The following SGCZ variants were observed in gnomAD, a reference collection of about 807,000 sequenced individuals.
SGCZ encodes the protein sarcoglycan zeta.
SGCZ carries 40 observed loss-of-function variants against 41.3 expected under a neutral mutation model. The observed-to-expected ratio is 0.97, with a 90% CI of 0.75 to 1.26. The LOEUF is 1.26. SGCZ is among the 50% of genes most tolerant of loss of function. The probability of loss-of-function intolerance (pLI) is 0.00; values close to 1 mark genes in which losing one functional copy is unlikely to be tolerated. For synonymous variants in SGCZ, 206 were observed against 137.5 expected (o/e 1.50, Z -3.49); for missense variants, 552 against 369.8 (o/e 1.49, Z -4.04).
At chr8:14,328,550 T>A (rs1802202415) in intron 2 of SGCZ, among the ~76,000 whole-genome samples, 1 of 152,222 alleles carries the variant, frequency 6.6e-6, no homozygotes. Context: ...CTAATTTATG[T>A]CAAACTACTC....
rs556582967 is a variant in SGCZ, at chr8:14,162,369, G to A, written c.547+2211C>T. ...TCAGGATTATGTTGGTCTCAAGAGT[G>A]ATGACCAGTAAGCATTACCAGGGTT... On this transcript the variant is annotated intron_variant, in intron 5 of 7. Coordinates refer to ENST00000382080, the MANE Select transcript of SGCZ (RefSeq NM_139167.4). Among the ~76,000 whole-genome samples, 4 of 152,238 alleles carry A rather than the reference G, an allele frequency of 2.6e-5. No homozygotes were observed. In the South Asian group the frequency reaches 8.3e-4, roughly 32 times the overall value.
intron 2 of SGCZ, among the ~76,000 whole-genome samples, chr8:14,383,729 C>T (rs993876682): frequency 1.4e-4 from 21 of 151,790 alleles, no homozygotes; most frequent in Non-Finnish European, 2.2e-4. Context: ...ACATATTCAG[C>T]GGAAAATGGT....
intron 5 of SGCZ, among the ~76,000 whole-genome samples, chr8:14,160,853 T>G (rs1236470299): frequency 1.3e-5 from 2 of 152,196 alleles, no homozygotes; most frequent in East Asian, 1.9e-4. Flanking sequence ...TGACTTTGCC[T>G]CAGATATACA....
chr8:14,408,821 C>T (rs1799279424), intron 2 of SGCZ, among the ~76,000 whole-genome samples: 1 of 152,060 alleles, frequency 6.6e-6, no homozygotes, highest in Non-Finnish European at 1.5e-5. Flanking sequence ...CTAATACTTT[C>T]CTGGTTTCAG....
At chr8:14,326,162 G>A (rs1448155617) in intron 2 of SGCZ, among the ~76,000 whole-genome samples, 1 of 126,800 alleles carries the variant, frequency 7.9e-6, no homozygotes, top group Non-Finnish European at 1.6e-5. Context: ...ACTTGAATCT[G>A]TCACTATGGA....
At chr8:14,789,526 G>C in intron 1 of SGCZ, among the ~76,000 whole-genome samples, 1 of 151,832 alleles carries the variant, frequency 6.6e-6, no homozygotes, top group South Asian at 2.1e-4. Flanking sequence ...AAATATATGA[G>C]TTTACAATTT....
chr8:14,911,282 T>C (rs1268623010), intron 1 of SGCZ, among the ~76,000 whole-genome samples: 1 of 152,070 alleles, frequency 6.6e-6, no homozygotes, highest in African/African-American at 2.4e-5. Flanking sequence ...TCCTGTCTAC[T>C]AAATCCCAAC....
chr8:14,824,304 C>T (rs892316915), intron 1 of SGCZ, among the ~76,000 whole-genome samples: 2 of 151,904 alleles, frequency 1.3e-5, no homozygotes, highest in African/African-American at 4.8e-5. Context: ...CACTGACTAC[C>T]GATTATTGGA....
At chr8:14,778,111 A>G (rs192406409) in intron 1 of SGCZ, among the ~76,000 whole-genome samples, 3 of 152,052 alleles carry the variant, frequency 2.0e-5, no homozygotes, top group African/African-American at 7.2e-5. Context: ...TTGTTTTTGT[A>G]AAGATGAGGT....
intron 2 of SGCZ, among the ~76,000 whole-genome samples, chr8:14,474,615 A>C (rs1264728389): frequency 6.6e-6 from 1 of 152,238 alleles, no homozygotes; most frequent in African/African-American, 2.4e-5. Flanking sequence ...TAAAAAATTA[A>C]AACATACAGG....
intron 5 of SGCZ, chr8:14,161,492 T>C (rs1436016029): frequency 3.3e-5 from 5 of 152,176 alleles, no homozygotes; most frequent in African/African-American, 1.2e-4. Context: ...TCTAATCAAA[T>C]GAAATATTCT....
intron 1 of SGCZ, among the ~76,000 whole-genome samples, chr8:14,876,300 A>G (rs1804354362): frequency 6.6e-6 from 1 of 152,230 alleles, no homozygotes; most frequent in African/African-American, 2.4e-5. Context: ...ATATTTTGAG[A>G]TAAATGAAAA....
chr8:14,373,963 T>C (rs891768765), intron 2 of SGCZ, among the ~76,000 whole-genome samples: 1 of 152,084 alleles, frequency 6.6e-6, no homozygotes, highest in African/African-American at 2.4e-5. Flanking sequence ...ATCCTGCACA[T>C]GTGCCCCGGA....
intron 1 of SGCZ, among the ~76,000 whole-genome samples, chr8:15,215,004 T>A (rs1801353238): frequency 1.3e-5 from 2 of 152,226 alleles, no homozygotes; most frequent in Admixed American, 1.3e-4. Flanking sequence ...CACACTCATC[T>A]GCATGCTTCT....
At chr8:15,035,574 A>T (rs1024150905) in intron 1 of SGCZ, among the ~76,000 whole-genome samples, 1 of 152,112 alleles carries the variant, frequency 6.6e-6, no homozygotes, top group African/African-American at 2.4e-5. Flanking sequence ...AAATGAAAAC[A>T]TAAGACCGAA....
rs191023468 is a variant in SGCZ at position 14,658,559 on chromosome 8, T to C, written c.40-103633A>G. On this transcript the variant is annotated intron_variant, in intron 1 of 7. Coordinates refer to ENST00000382080, the MANE Select transcript of SGCZ (RefSeq NM_139167.4). ...TGCTTTTCCCTACACATCCTTACAC[T>C]TTGGTTCGCCCACTCCTTAATTCTT... is the stretch of plus-strand genomic sequence containing the variant. Among the ~76,000 whole-genome samples, 8 of 152,274 alleles carry C rather than the reference T, an allele frequency of 5.3e-5. No homozygotes were observed. In the East Asian group the frequency reaches 7.7e-4, roughly 15 times the overall value.
intron 1 of SGCZ, among the ~76,000 whole-genome samples, chr8:15,212,732 T>A (rs9643997): frequency 0.81 from 122,811 of 151,886 alleles, 50,255 homozygotes; most frequent in Non-Finnish European, 0.88. Context: ...GAATTTTGAC[T>A]GGTAAATCTA....
chr8:14,784,411 A>T (rs1230053728), intron 1 of SGCZ, among the ~76,000 whole-genome samples: 1 of 62,326 alleles, frequency 1.6e-5, no homozygotes, highest in Non-Finnish European at 2.8e-5. Context: ...CATATATCAG[A>T]AAAAAAATGT....
At chr8:15,123,198 T>A (rs1046899273) in intron 1 of SGCZ, among the ~76,000 whole-genome samples, 3 of 152,154 alleles carry the variant, frequency 2.0e-5, no homozygotes, top group Admixed American at 6.5e-5. Context: ...TTATGTAGCA[T>A]CCTAAGTTTT....
Sources: gnomAD v4.1 joint callset for allele counts (sites outside exome capture counted in the v4.1 genomes callset) on GRCh38, gnomAD v4.1.1 for gene constraint, MANE v1.5 for transcripts, NCBI Gene and HGNC (gene_info 2026-07-23, HGNC 2026-07-21) for gene names.